NUBPL: variants seen among roughly 807,000 people sequenced by gnomAD.
NUBPL encodes the protein iron-sulfur cluster transfer protein NUBPL.
In NUBPL, 31 loss-of-function variants were observed where a neutral mutation model predicts 45.7. That is an observed-to-expected ratio of 0.68 (90% CI 0.51 to 0.92). The LOEUF (loss-of-function observed/expected upper bound fraction) is 0.92, where lower values mean the gene tolerates loss of function less well. Ranked by LOEUF, NUBPL falls within the 40% of genes least tolerant of loss-of-function variation. The pLI, the probability that NUBPL is intolerant of heterozygous loss-of-function variation, is 0.00. For missense variants in NUBPL, 401 were observed against 398.7 expected (o/e 1.01, Z -0.05); for synonymous variants, 144 against 140.9 (o/e 1.02, Z -0.15).
At chr14:31,842,570 C>T (rs1404805296) in intron 8 of NUBPL, among the ~76,000 whole-genome samples, 2 of 152,078 alleles carry the variant, frequency 1.3e-5, no homozygotes, top group Non-Finnish European at 2.9e-5. Context: ...CTCAACCTCC[C>T]AGGCTCAAGC....
chr14:31,656,847 T>C (rs1041880582), intron 4 of NUBPL, among the ~76,000 whole-genome samples: 1 of 152,158 alleles, frequency 6.6e-6, no homozygotes, highest in Non-Finnish European at 1.5e-5. Flanking sequence ...CAATGTAGGG[T>C]TGCACAAACC....
At chr14:31,652,975 G>C (rs1030671371) in intron 4 of NUBPL, among the ~76,000 whole-genome samples, 1 of 152,160 alleles carries the variant, frequency 6.6e-6, no homozygotes, top group Non-Finnish European at 1.5e-5. Flanking sequence ...GTATCAGTAG[G>C]ACTGTGATGC....
chr14:31,761,760 A>G (rs58337705), intron 6 of NUBPL, among the ~76,000 whole-genome samples: 70,297 of 152,000 alleles, frequency 0.46, 17,559 homozygotes, highest in African/African-American at 0.67. Context: ...CTTATTAAGC[A>G]ACACTGATAT....
At chr14:31,829,900 G>A (rs2040162825) in intron 8 of NUBPL, among the ~76,000 whole-genome samples, 1 of 152,072 alleles carries the variant, frequency 6.6e-6, no homozygotes, top group Non-Finnish European at 1.5e-5. Context: ...ATATTTGTAG[G>A]TAGACTATTT....
chr14:31,681,729 G>A (rs1017319968), intron 6 of NUBPL, among the ~76,000 whole-genome samples: 7 of 151,830 alleles, frequency 4.6e-5, no homozygotes, highest in Non-Finnish European at 8.8e-5. Context: ...ATTCTGATAC[G>A]TTGGTGTTTT....
intron 6 of NUBPL, among the ~76,000 whole-genome samples, chr14:31,689,441 A>G (rs940795744): frequency 2.6e-5 from 4 of 152,082 alleles, no homozygotes; most frequent in Non-Finnish European, 5.9e-5. Context: ...GCTTTTATTC[A>G]TATGCTTGTT....
At position 31,634,293 on chromosome 14, in the gene NUBPL, G is replaced by T. The variant is rs1333127307; in HGVS notation, c.382+34914G>T. Among the ~76,000 whole-genome samples, 3 of 130,176 alleles carry T rather than the reference G, an allele frequency of 2.3e-5. No individual in the cohort carries two copies. In the Admixed American group the frequency reaches 3.0e-4, roughly 13 times the overall value. 85.4% of individuals were successfully genotyped at this position (130,176 alleles called of 152,430 possible). On this transcript the variant is annotated intron_variant, in intron 4 of 10. Transcript: ENST00000281081. ...GTGATCTTCCCCTTCCTGTGTCCATGTGTTCTCATTGTTCAATTCCCACCT... is the reference window on the plus strand; with the variant it reads ...GTGATCTTCCCCTTCCTGTGTCCATTTGTTCTCATTGTTCAATTCCCACCT...
intron 4 of NUBPL, among the ~76,000 whole-genome samples, chr14:31,605,312 T>C (rs1241530098): frequency 1.3e-5 from 2 of 152,228 alleles, no homozygotes; most frequent in African/African-American, 2.4e-5. Flanking sequence ...AGTTTTGTGA[T>C]GAAAAATCAC....
chr14:31,853,458 C>T (rs920147264), intron 10 of NUBPL, among the ~76,000 whole-genome samples: 2 of 152,104 alleles, frequency 1.3e-5, no homozygotes, highest in African/African-American at 2.4e-5. Flanking sequence ...CTTCTTACTC[C>T]ACCTTCTCCA....
At chr14:31,754,770 C>T (rs1458250613) in intron 6 of NUBPL, among the ~76,000 whole-genome samples, 2 of 150,852 alleles carry the variant, frequency 1.3e-5, no homozygotes, top group Admixed American at 6.6e-5. Flanking sequence ...CATATGTATA[C>T]ATGTGCCATG....
intron 4 of NUBPL, among the ~76,000 whole-genome samples, chr14:31,615,201 C>G (rs58188991): frequency 0.054 from 8,179 of 152,090 alleles, 628 homozygotes; most frequent in African/African-American, 0.17. Flanking sequence ...CTCCTGCCAC[C>G]AAGTAAGACG....
At chr14:31,562,604 G>GTT (rs34451286) in intron 2 of NUBPL, among the ~76,000 whole-genome samples, 32 of 119,760 alleles carry the variant, frequency 2.7e-4, no homozygotes, top group Non-Finnish European at 4.3e-4. Context: ...TTTTTTTTTT[G>GTT]TTTTTTTTTT....
intron 6 of NUBPL, among the ~76,000 whole-genome samples, chr14:31,698,354 G>A (rs1391274062): frequency 6.6e-6 from 1 of 150,708 alleles, no homozygotes; most frequent in Non-Finnish European, 1.5e-5. Context: ...ATTCATTTTG[G>A]TCTTTTTTTT....
chr14:31,568,355 T>C (rs148946192), intron 3 of NUBPL, among the ~76,000 whole-genome samples: 9 of 152,336 alleles, frequency 5.9e-5, no homozygotes, highest in African/African-American at 1.7e-4. Context: ...AAAAAAAAAG[T>C]GCAGCTCGCT....
intron 4 of NUBPL, among the ~76,000 whole-genome samples, chr14:31,661,744 G>A (rs1282481643): frequency 6.6e-6 from 1 of 152,164 alleles, no homozygotes; most frequent in African/African-American, 2.4e-5. Context: ...GTTTCACCAT[G>A]TTGGCCAGGA....
At chr14:31,579,898 A>C (rs1030276753) in intron 3 of NUBPL, among the ~76,000 whole-genome samples, 3 of 152,238 alleles carry the variant, frequency 2.0e-5, no homozygotes, top group Non-Finnish European at 4.4e-5. Flanking sequence ...AATTGAGGTG[A>C]AATTCATATT....
At chr14:31,716,859 GTC>G (rs2037700340) in intron 6 of NUBPL, among the ~76,000 whole-genome samples, 1 of 152,096 alleles carries the variant, frequency 6.6e-6, no homozygotes, top group Admixed American at 6.6e-5. Flanking sequence ...AATCCTGAGT[GTC>G]ACCCTTGACT....
intron 7 of NUBPL, among the ~76,000 whole-genome samples, chr14:31,809,719 T>C (rs1480896430): frequency 2.0e-5 from 3 of 152,238 alleles, no homozygotes; most frequent in Non-Finnish European, 4.4e-5. Context: ...AGGGTGTCAA[T>C]TTTAGATCTT....
In NUBPL at chr14:31,623,876, A is replaced by G. The variant is rs142071489; in HGVS notation, c.382+24497A>G. ...GTTGCAAGAGTGAGAGCAGGGCCAG[A>G]AAGGTAATTGAGAGTCCTGTCATAA... On this transcript the variant is annotated intron_variant, in intron 4 of 10. Transcript: ENST00000281081. Among the ~76,000 whole-genome samples, 37 of 152,308 alleles carry G rather than the reference A, an allele frequency of 2.4e-4. No individual in the cohort carries two copies. In the Middle Eastern group the frequency reaches 0.01, roughly 42 times the overall value.
Sources: gnomAD v4.1 joint callset for allele counts (sites outside exome capture counted in the v4.1 genomes callset) on GRCh38, gnomAD v4.1.1 for gene constraint, MANE v1.5 for transcripts, NCBI Gene and HGNC (gene_info 2026-07-23, HGNC 2026-07-21) for gene names.